Variants in EDDM3A observed in about 807,000 individuals in gnomAD.
EDDM3A encodes the protein epididymal secretory protein E3-alpha.
For synonymous variants in EDDM3A, 75 were observed against 60.4 expected, an observed-to-expected ratio of 1.24 and a Z score of -1.12; for missense variants, 199 against 177.4, an observed-to-expected ratio of 1.12 and a Z score of -0.69.
At chr14:20,741,221 T>G (rs1877425987), upstream of EDDM3A, among the ~76,000 whole-genome samples, 1 of 152,176 alleles carries the variant, frequency 6.6e-6, no homozygotes, top group South Asian at 2.1e-4. Context: ...CCTTCAAGTT[T>G]TCTGGACTGC....
At chr14:20,736,575 G>T in the EDDM3A span, among the ~76,000 whole-genome samples, 14 of 152,132 alleles carry the variant, frequency 9.2e-5, no homozygotes, top group Non-Finnish European at 1.8e-4. Context: ...TATGGTAGTT[G>T]CTCAGTAAAA....
chr14:20,739,297 C>T, the EDDM3A span, among the ~76,000 whole-genome samples: 1 of 152,194 alleles, frequency 6.6e-6, no homozygotes, highest in Non-Finnish European at 1.5e-5. Context: ...GAAGCTGATA[C>T]AGAAATGAAT....
chr14:20,740,661 T>A, the EDDM3A span, among the ~76,000 whole-genome samples: 1 of 149,282 alleles, frequency 6.7e-6, no homozygotes, highest in African/African-American at 2.6e-5. Flanking sequence ...TTGTTTTGTT[T>A]TGTTTGTTTG....
At chr14:20,745,740 G>A (rs1234900240), upstream of EDDM3A, among the ~76,000 whole-genome samples, 4 of 152,102 alleles carry the variant, frequency 2.6e-5, no homozygotes, top group African/African-American at 7.2e-5. Flanking sequence ...GCCTTTGCTC[G>A]AGGCTACTGT....
chr14:20,743,515 G>A (rs1481721065), upstream of EDDM3A, among the ~76,000 whole-genome samples: 3 of 152,052 alleles, frequency 2.0e-5, no homozygotes, highest in African/African-American at 2.4e-5. Context: ...ATGCCTGGAC[G>A]ACAAGAGTGA....
In EDDM3A at chr14:20,748,093, A is replaced by G; in HGVS notation, c.*69A>G. On this transcript the variant is annotated 3_prime_UTR_variant, in exon 2 of 2. Coordinates refer to ENST00000326842, the MANE Select transcript of EDDM3A (RefSeq NM_006683.5). ...TTCCAAAGTGGTGGGCCCTGCCTCCATCAATAGCCCCTGCCACTCCCCGCT... is the reference window on the plus strand; with the variant it reads ...TTCCAAAGTGGTGGGCCCTGCCTCCGTCAATAGCCCCTGCCACTCCCCGCT... The G allele has an allele frequency of 8.5e-7, 1 of 1,179,614 alleles. No homozygotes were observed. The highest frequency in any genetic ancestry group is 1.2e-6 in the Non-Finnish European group (1 of 837,580). 73.1% of individuals were successfully genotyped at this position (1,179,614 alleles called of 1,614,324 possible).
At position 20,748,142 on chromosome 14, in the gene EDDM3A, C is replaced by A; in HGVS notation, c.*118C>A. The A allele has an allele frequency of 2.8e-6, 2 of 713,166 alleles. No homozygotes were observed. Among genetic ancestry groups the A allele is most frequent in the Non-Finnish European group, 4.6e-6 (2 of 431,980 alleles). 44.2% of individuals were successfully genotyped at this position (713,166 alleles called of 1,614,324 possible). Reference sequence around the variant, plus strand: ...CTTACATTTATGTGTCAGTGTTTTCCAACTACTTAGAGTTTATGTACCTCG... The same window carrying A: ...CTTACATTTATGTGTCAGTGTTTTCAAACTACTTAGAGTTTATGTACCTCG... On this transcript the variant is annotated 3_prime_UTR_variant, in exon 2 of 2. Coordinates refer to ENST00000326842, the MANE Select transcript of EDDM3A (RefSeq NM_006683.5).
At chr14:20,738,470 AAAATAAATAAATAAATAAAT>A in the EDDM3A span, among the ~76,000 whole-genome samples, 1 of 143,282 alleles carries the variant, frequency 7.0e-6, no homozygotes. Flanking sequence ...ACTCTGTCTC[AAAATAAATAAATAAATAAAT>A]AAATAAATAA....
intron 1 of EDDM3A, among the ~76,000 whole-genome samples, chr14:20,747,061 T>C (rs1877613489): frequency 6.6e-6 from 1 of 151,490 alleles, no homozygotes. Context: ...GTGTTAGCTC[T>C]CACAGGCTAA....
At chr14:20,746,992 G>C (rs1042519982) in intron 1 of EDDM3A, among the ~76,000 whole-genome samples, 1 of 152,190 alleles carries the variant, frequency 6.6e-6, no homozygotes, top group African/African-American at 2.4e-5. Context: ...GTAGAAGACA[G>C]GGTAGACAGG....
chr14:20,741,089 T>C (rs1877422790), upstream of EDDM3A, among the ~76,000 whole-genome samples: 2 of 152,192 alleles, frequency 1.3e-5, no homozygotes, highest in South Asian at 4.1e-4. Context: ...ATTATTTTCT[T>C]CTATATCCTA....
the EDDM3A span, among the ~76,000 whole-genome samples, chr14:20,738,999 G>C: frequency 6.6e-6 from 1 of 152,202 alleles, no homozygotes; most frequent in Non-Finnish European, 1.5e-5. Context: ...TTTCCCTTAT[G>C]AATGCACGTT....
the EDDM3A span, among the ~76,000 whole-genome samples, chr14:20,736,258 T>C: frequency 2.8e-3 from 428 of 152,236 alleles, 2 homozygotes; most frequent in Non-Finnish European, 4.7e-3. Flanking sequence ...TACAGGAGCA[T>C]GTCACCATGC....
chr14:20,747,854 G>A lies in EDDM3A; in HGVS notation c.274G>A (p.Ala92Thr), dbSNP rs1384883962. The change falls in exon 2 of 2, where the codon GCA (alanine) becomes ACA (threonine). Residue 92 changes from alanine (A) to threonine (T), a missense_variant. By Grantham distance (58) the Ala-to-Thr change is moderately conservative (BLOSUM62 0). Transcript: ENST00000326842. ...NEKGSDRYRN[A>T]YVWAPGALKV... ...GAAGGGGAGCGACCGATATAGAAAT[G>A]CATATGTATGGGCCCCAGGTGCCCT... is the stretch of plus-strand genomic sequence containing the variant. The A allele has an allele frequency of 1.2e-6, 2 of 1,614,152 alleles. No homozygotes were observed. Among genetic ancestry groups the A allele is most frequent in the East Asian group, 4.5e-5 (2 of 44,876 alleles).
intron 1 of EDDM3A, 21 bp downstream of exon 1, chr14:20,746,013 GTTGCTCGGGGGAC>G (rs1220094610): frequency 1.3e-5 from 2 of 152,224 alleles, no homozygotes; most frequent in African/African-American, 4.8e-5. Flanking sequence ...CTCTGCTGAG[GTTGCTCGGGGGAC>G]AGCCAGGAAC....
At chr14:20,743,514 C>T (rs75100341), upstream of EDDM3A, among the ~76,000 whole-genome samples, 2,868 of 147,390 alleles carry the variant, frequency 0.019, 97 homozygotes, top group African/African-American at 0.073. Context: ...CATGCCTGGA[C>T]GACAAGAGTG....
chr14:20,741,234 T>C (rs1178912974), upstream of EDDM3A, among the ~76,000 whole-genome samples: 4 of 152,124 alleles, frequency 2.6e-5, no homozygotes, highest in Non-Finnish European at 5.9e-5. Flanking sequence ...TGGACTGCAT[T>C]TGGAAGTGTT....
chr14:20,740,314 G>T, the EDDM3A span, among the ~76,000 whole-genome samples: 1 of 152,202 alleles, frequency 6.6e-6, no homozygotes, highest in Non-Finnish European at 1.5e-5. Context: ...TCCATGGTTC[G>T]ATACTCTCTT....
At chr14:20,742,581 A>G (rs951601008), upstream of EDDM3A, among the ~76,000 whole-genome samples, 56 of 151,538 alleles carry the variant, frequency 3.7e-4, no homozygotes, top group African/African-American at 1.2e-3. Context: ...GTTTTTTTTT[A>G]GTTTTTGTTA....
Sources: allele counts gnomAD v4.1 joint callset (sites outside exome capture counted in the v4.1 genomes callset), GRCh38; gene constraint gnomAD v4.1.1; transcripts MANE v1.5; gene names NCBI Gene and HGNC (gene_info 2026-07-23, HGNC 2026-07-21).